The following GRM5 variants were observed in gnomAD, a reference collection of about 807,000 sequenced individuals.
GRM5 encodes the protein metabotropic glutamate receptor 5.
In GRM5, 19 loss-of-function variants were observed where a neutral mutation model predicts 83.1. That is an observed-to-expected ratio of 0.23 (90% confidence interval 0.16 to 0.34). The LOEUF is 0.34. GRM5 is among the 10% of genes least tolerant of loss of function. The probability of loss-of-function intolerance (pLI) is 1.00; values close to 1 mark genes in which losing one functional copy is unlikely to be tolerated. For synonymous variants in GRM5, 675 were observed against 633.6 expected (o/e 1.07, Z -0.98); for missense variants, 1,160 against 1,588.3 (o/e 0.73, Z 4.58).
At chr11:88,928,745 G>T (rs186715382) in intron 2 of GRM5, among the ~76,000 whole-genome samples, 1 of 152,010 alleles carries the variant, frequency 6.6e-6, no homozygotes, top group South Asian at 2.1e-4. Context: ...TATTCCAAAC[G>T]TGGGTCTGTG....
intron 2 of GRM5, among the ~76,000 whole-genome samples, chr11:88,985,724 T>C (rs527395791): frequency 5.5e-4 from 83 of 152,268 alleles, no homozygotes; most frequent in African/African-American, 1.9e-3. Context: ...ATAGCAACAC[T>C]AAAGCATTTT....
At chr11:88,976,171 A>G (rs1209310512) in intron 2 of GRM5, among the ~76,000 whole-genome samples, 1 of 152,212 alleles carries the variant, frequency 6.6e-6, no homozygotes, top group Non-Finnish European at 1.5e-5. Context: ...GGAAAATAAA[A>G]TTGATTCCTA....
chr11:88,785,571 T>TA (rs1358502797), intron 3 of GRM5, among the ~76,000 whole-genome samples: 6 of 152,054 alleles, frequency 3.9e-5, no homozygotes, highest in Admixed American at 3.3e-4. Context: ...TTTGTGTACT[T>TA]ACGATGTTAA....
At chr11:88,538,975 A>T (rs1157658694) in intron 8 of GRM5, among the ~76,000 whole-genome samples, 1 of 152,128 alleles carries the variant, frequency 6.6e-6, no homozygotes, top group Non-Finnish European at 1.5e-5. Flanking sequence ...TATTTTTCAA[A>T]CCTTATCATT....
chr11:88,961,095 G>T (rs2134984945), intron 2 of GRM5, among the ~76,000 whole-genome samples: 1 of 152,244 alleles, frequency 6.6e-6, no homozygotes, highest in Non-Finnish European at 1.5e-5. Context: ...ATTTATAGTT[G>T]CTAGGGGTAC....
chr11:88,991,436 C>A (rs1454240968), intron 2 of GRM5, among the ~76,000 whole-genome samples: 2 of 151,948 alleles, frequency 1.3e-5, no homozygotes, highest in East Asian at 3.9e-4. Context: ...GGCCATACTG[C>A]CCAAGGTAAT....
intron 2 of GRM5, among the ~76,000 whole-genome samples, chr11:88,990,397 G>T (rs1939923105): frequency 2.0e-5 from 3 of 150,354 alleles, no homozygotes; most frequent in Non-Finnish European, 3.0e-5. Flanking sequence ...AAGAGTCCAG[G>T]ACCAGATGGA....
intron 2 of GRM5, among the ~76,000 whole-genome samples, chr11:88,893,789 C>T (rs1258568978): frequency 6.6e-6 from 1 of 151,898 alleles, no homozygotes; most frequent in Non-Finnish European, 1.5e-5. Flanking sequence ...ACATGACGTC[C>T]CTTTTCAGCA....
chr11:88,915,122 T>C (rs1487223357), intron 2 of GRM5, among the ~76,000 whole-genome samples: 1 of 152,120 alleles, frequency 6.6e-6, no homozygotes, highest in Non-Finnish European at 1.5e-5. Context: ...TACTTCTGCC[T>C]ACTCTTTGTA....
intron 2 of GRM5, among the ~76,000 whole-genome samples, chr11:88,936,938 T>C (rs1937920138): frequency 6.6e-6 from 1 of 151,764 alleles, no homozygotes; most frequent in African/African-American, 2.4e-5. Flanking sequence ...TTAGCTGTTT[T>C]AGTTTTTGAA....
intron 2 of GRM5, among the ~76,000 whole-genome samples, chr11:88,987,758 C>T (rs1332762526): frequency 6.6e-6 from 1 of 151,862 alleles, no homozygotes; most frequent in African/African-American, 2.4e-5. Context: ...ACACTGACAC[C>T]TCACACGGCA....
chr11:88,622,819 T>C (rs968254183), intron 4 of GRM5, among the ~76,000 whole-genome samples: 2 of 152,242 alleles, frequency 1.3e-5, no homozygotes, highest in Non-Finnish European at 2.9e-5. Flanking sequence ...CGTATGCATA[T>C]GGTTTAGCTT....
intron 3 of GRM5, among the ~76,000 whole-genome samples, chr11:88,801,542 G>A (rs377268104): frequency 6.6e-6 from 1 of 152,054 alleles, no homozygotes; most frequent in African/African-American, 2.4e-5. Context: ...ATATCTACTT[G>A]TAAATAATCA....
intron 2 of GRM5, among the ~76,000 whole-genome samples, chr11:88,984,395 G>A (rs1428362968): frequency 4.6e-5 from 7 of 152,230 alleles, no homozygotes; most frequent in East Asian, 1.9e-4. Context: ...GATTTGTAGC[G>A]TAGGAGCAAT....
At chr11:88,674,919 G>A (rs1339129822) in intron 3 of GRM5, among the ~76,000 whole-genome samples, 1 of 151,860 alleles carries the variant, frequency 6.6e-6, no homozygotes, top group African/African-American at 2.4e-5. Context: ...AGGCACGTAA[G>A]ATCCTTTATC....
intron 3 of GRM5, among the ~76,000 whole-genome samples, chr11:88,801,422 G>T (rs992122378): frequency 6.6e-6 from 1 of 152,110 alleles, no homozygotes; most frequent in African/African-American, 2.4e-5. Context: ...GCCTAACATG[G>T]TTCATGCTTC....
chr11:88,554,315 A>G (rs1200548552), intron 8 of GRM5, among the ~76,000 whole-genome samples: 5 of 152,124 alleles, frequency 3.3e-5, no homozygotes, highest in African/African-American at 1.2e-4. Flanking sequence ...CTTTGTGATC[A>G]CATTGGGCCC....
intron 3 of GRM5, among the ~76,000 whole-genome samples, chr11:88,799,373 G>A (rs1289828845): frequency 6.6e-6 from 1 of 151,904 alleles, no homozygotes; most frequent in Non-Finnish European, 1.5e-5. Flanking sequence ...AGTATATACA[G>A]TATTAATATC....
Position 88,570,575 on chromosome 11 carries a change from T to A in GRM5, c.1691-2583A>T, listed in dbSNP as rs868054679. Among the ~76,000 whole-genome samples, 219 of 50,692 alleles carry A rather than the reference T, an allele frequency of 4.3e-3. 1 individual carries two copies. Among genetic ancestry groups the A allele is most frequent in the Middle Eastern group, 0.018 (2 of 110 alleles). The allele number at this position is 50,692 out of a possible 152,430, so 33.3% of individuals were successfully genotyped here. A position where few individuals can be genotyped will look rare whatever the true frequency, so the allele number is the denominator to read the frequency against. On this transcript the variant is annotated intron_variant, in intron 7 of 9. Transcript: ENST00000305447. ...AATATATATATATATATATATATTT[T>A]TTTTTTTTTTTTTTTTTTTTTTGAG...
Sources: allele counts gnomAD v4.1 joint callset (sites outside exome capture counted in the v4.1 genomes callset), GRCh38; gene constraint gnomAD v4.1.1; transcripts MANE v1.5; gene names NCBI Gene and HGNC (gene_info 2026-07-23, HGNC 2026-07-21).